The following ARHGEF7 variants were observed in gnomAD, a reference collection of about 807,000 sequenced individuals.
ARHGEF7 encodes Rho guanine nucleotide exchange factor 7, also known as PAK-interacting exchange factor beta.
ARHGEF7 carries 33 observed loss-of-function variants against 109.8 expected under a neutral mutation model. The ratio of observed to expected loss-of-function variants is 0.30; its 90% CI spans 0.23 to 0.40. The LOEUF is 0.40. Ranked by LOEUF, ARHGEF7 falls within the 10% of genes least tolerant of loss-of-function variation. The pLI is 1.00. For synonymous variants in ARHGEF7, 458 were observed against 424.6 expected (o/e 1.08, Z -0.97); for missense variants, 938 against 1,098.5 (o/e 0.85, Z 2.07).
intron 1 of ARHGEF7, among the ~76,000 whole-genome samples, chr13:111,125,052 G>A (rs149334089): frequency 3.5e-4 from 53 of 152,232 alleles, no homozygotes; most frequent in African/African-American, 1.1e-3. Flanking sequence ...GAGCCAGTGC[G>A]CCCAACCAGG....
At position 111,255,910 on chromosome 13, in the gene ARHGEF7, G is replaced by A. The variant is rs554926217; in HGVS notation, c.950+11616G>A. Among the ~76,000 whole-genome samples the A allele has an allele frequency of 3.3e-5, 5 of 152,318 alleles. No homozygotes were observed. Among genetic ancestry groups the A allele is most frequent in the Middle Eastern group, 3.4e-3 (1 of 294 alleles). On this transcript the variant is annotated intron_variant, in intron 8 of 21. Coordinates refer to ENST00000646102, the MANE Select transcript of ARHGEF7 (RefSeq NM_001354046.2). This position sits in a 1 kb window ranked among gnomAD's most constrained non-coding sequence, Gnocchi z 4.1. ...GGCAGTTGACTAGCCATGGAATCAGGTTGGAAGTAGAGAATGATTTAATGA... is the reference window on the plus strand; with the variant it reads ...GGCAGTTGACTAGCCATGGAATCAGATTGGAAGTAGAGAATGATTTAATGA...
chr13:111,286,109 T>C, intron 16 of ARHGEF7, 38 bp from the exon 17 acceptor site: 2 of 1,538,606 alleles, frequency 1.3e-6, no homozygotes, highest in South Asian at 1.1e-5. Flanking sequence ...AATGATTGGC[T>C]TTAGAGTATG....
At chr13:111,207,403 A>C (rs900825684) in intron 3 of ARHGEF7, among the ~76,000 whole-genome samples, 2 of 152,196 alleles carry the variant, frequency 1.3e-5, no homozygotes, top group Non-Finnish European at 2.9e-5. Flanking sequence ...CCTGAGCTCA[A>C]GCTATCTGCC....
At chr13:111,229,395 A>G (rs72653527) in intron 5 of ARHGEF7, among the ~76,000 whole-genome samples, 3,617 of 152,284 alleles carry the variant, frequency 0.024, 74 homozygotes, top group Middle Eastern at 0.11. Flanking sequence ...CGGTGATACT[A>G]ACCTGTTTGT....
At chr13:111,241,881 C>A (rs149177207) in intron 6 of ARHGEF7, among the ~76,000 whole-genome samples, 1 of 152,282 alleles carries the variant, frequency 6.6e-6, no homozygotes, top group East Asian at 1.9e-4. Context: ...TTTTCTGATA[C>A]GTCTGTGACA....
At chr13:111,166,048 TC>T (rs1378373004) in intron 2 of ARHGEF7, among the ~76,000 whole-genome samples, 1 of 152,154 alleles carries the variant, frequency 6.6e-6, no homozygotes, top group Non-Finnish European at 1.5e-5. Context: ...TGGTTCATCT[TC>T]CTTTTACTAA....
At chr13:111,117,411 C>T (rs59977356) in intron 1 of ARHGEF7, among the ~76,000 whole-genome samples, 42,214 of 152,122 alleles carry the variant, frequency 0.28, 7,480 homozygotes, top group East Asian at 0.64. Flanking sequence ...AAACTACAGT[C>T]ATCTGGAAAT....
intron 2 of ARHGEF7, among the ~76,000 whole-genome samples, chr13:111,156,512 C>T (rs958454876): frequency 6.6e-6 from 1 of 152,166 alleles, no homozygotes; most frequent in Non-Finnish European, 1.5e-5. Context: ...CATGAAAAAC[C>T]TGATAAATTG....
chr13:111,192,842 C>A (rs2080060738), intron 2 of ARHGEF7, among the ~76,000 whole-genome samples: 1 of 152,188 alleles, frequency 6.6e-6, no homozygotes, highest in Admixed American at 6.5e-5. Context: ...CCTTCTCTGT[C>A]TTGCGAGGGA....
chr13:111,231,754 G>A (rs1863714533), intron 5 of ARHGEF7, among the ~76,000 whole-genome samples: 1 of 152,160 alleles, frequency 6.6e-6, no homozygotes, highest in Non-Finnish European at 1.5e-5. Context: ...AGAAGGCATG[G>A]ACTGTAGGCA....
chr13:111,181,466 A>G (rs1305134851), intron 2 of ARHGEF7, among the ~76,000 whole-genome samples: 3 of 152,130 alleles, frequency 2.0e-5, no homozygotes, highest in Non-Finnish European at 4.4e-5. Context: ...AAGTCATGAG[A>G]TCCTTTGACT....
intron 6 of ARHGEF7, among the ~76,000 whole-genome samples, chr13:111,238,307 C>T (rs966660813): frequency 6.6e-6 from 1 of 152,128 alleles, no homozygotes; most frequent in Admixed American, 6.5e-5. Flanking sequence ...GCTTCCTGAG[C>T]CCAGTTATCT....
intron 9 of ARHGEF7, among the ~76,000 whole-genome samples, chr13:111,271,947 G>A (rs1244022144): frequency 1.3e-5 from 2 of 152,196 alleles, no homozygotes; most frequent in Admixed American, 1.3e-4. Flanking sequence ...CACCCACATC[G>A]TTACTGTTTT....
In ARHGEF7 at chr13:111,217,657, C is replaced by T. The variant is rs375511480; in HGVS notation, c.469-22C>T. 13 of 1,600,036 alleles carry T rather than the reference C, an allele frequency of 8.1e-6. No individual in the cohort carries two copies. The African/African-American group carries it at 1.2e-4, about 15-fold the overall frequency. The stretch of plus-strand genomic sequence containing the variant: ...AGACTGTTCTTGGTATAATTTTTCT[C>T]CCACTCTTCTTCCCCTTTTAGGACA... On this transcript the variant is annotated intron_variant, in intron 4 of 21. Transcript: ENST00000646102.
chr13:111,246,678 A>G (rs2088906308), intron 8 of ARHGEF7, among the ~76,000 whole-genome samples: 1 of 152,224 alleles, frequency 6.6e-6, no homozygotes. Context: ...CATGACCATG[A>G]AAGAATAGCT....
chr13:111,219,454 TGTGTAAGTATTTGA>T (rs1212296158), intron 5 of ARHGEF7, among the ~76,000 whole-genome samples: 7 of 152,190 alleles, frequency 4.6e-5, no homozygotes, highest in Non-Finnish European at 8.8e-5. Context: ...GGAGCATGGT[TGTGTAAGTATTTGA>T]GTCCTTGCTT....
chr13:111,233,730 G>A (rs1464574876), intron 6 of ARHGEF7, among the ~76,000 whole-genome samples: 3 of 152,186 alleles, frequency 2.0e-5, no homozygotes, highest in Non-Finnish European at 2.9e-5. Context: ...CAGGATTGAT[G>A]TGTACATATC....
chr13:111,302,322 A>G (rs1037745379), intron 21 of ARHGEF7, among the ~76,000 whole-genome samples: 2 of 152,224 alleles, frequency 1.3e-5, no homozygotes, highest in African/African-American at 2.4e-5. Context: ...TCCTCTGCCC[A>G]GCTAGGTGAG....
chr13:111,282,377 C>G (rs147597328), intron 15 of ARHGEF7, among the ~76,000 whole-genome samples: 1 of 152,286 alleles, frequency 6.6e-6, no homozygotes, highest in Non-Finnish European at 1.5e-5. Flanking sequence ...TCTCATTTAA[C>G]TGTCATTGTG....
Sources: gnomAD v4.1 joint callset for allele counts (sites outside exome capture counted in the v4.1 genomes callset) on GRCh38, gnomAD v4.1.1 for gene constraint, Gnocchi (gnomAD v3.1) non-coding constraint, MANE v1.5 for transcripts, NCBI Gene and HGNC (gene_info 2026-07-23, HGNC 2026-07-21) for gene names.